ATP13A5: variants seen among roughly 807,000 people sequenced by gnomAD.
ATP13A5 encodes the protein ATPase 13A5.
ATP13A5 carries 149 observed loss-of-function variants against 150.2 expected under a neutral mutation model. That is an observed-to-expected ratio of 0.99 (90% CI 0.87 to 1.14). ATP13A5 has a LOEUF of 1.14. Among genes scored for constraint, ATP13A5 ranks in the 50% most tolerant of loss-of-function variants. The probability of loss-of-function intolerance (pLI) is 0.00; values close to 1 mark genes in which losing one functional copy is unlikely to be tolerated. For missense variants in ATP13A5, 1,383 were observed against 1,449.3 expected (o/e 0.95, Z 0.74); for synonymous variants, 497 against 522.2 (o/e 0.95, Z 0.66).
chr3:193,354,495 T>C (rs1162223566), intron 5 of ATP13A5, among the ~76,000 whole-genome samples: 1 of 152,020 alleles, frequency 6.6e-6, no homozygotes, highest in East Asian at 1.9e-4. Context: ...TTTTATTATA[T>C]ACTAAAAGCA....
Position 193,305,575 on chromosome 3 carries a change from C to T in ATP13A5, c.2662G>A (p.Val888Met), listed in dbSNP as rs1018409282. ...FTSKTTNIQC[V>M]PHLIREGRAA... ...ATGACTTACCTGATGAGATGAGGCA[C>T]ACACTGGATGTTGGTTGTTTTAGAG... The change falls in exon 23 of 30, where the codon GTG becomes ATG. Residue 888 changes from valine (V) to methionine (M), a missense_variant. This residue lies in a region of ATP13A5 where 568 missense variants were observed against 621.5 expected (regional missense o/e 0.91). Coordinates refer to ENST00000342358, the MANE Select transcript of ATP13A5 (RefSeq NM_198505.4). The T allele has an allele frequency of 6.2e-7, 1 of 1,613,762 alleles. No individual in the cohort carries two copies. The highest frequency in any genetic ancestry group is 1.1e-5 in the South Asian group (1 of 91,076).
intron 25 of ATP13A5, among the ~76,000 whole-genome samples, chr3:193,293,987 G>A (rs1247022052): frequency 6.6e-6 from 1 of 152,010 alleles, no homozygotes; most frequent in African/African-American, 2.4e-5. Context: ...AGAAATGAGG[G>A]GCCTAGAGGT....
At chr3:193,280,200 A>G (rs1241421237) in intron 27 of ATP13A5, among the ~76,000 whole-genome samples, 1 of 151,868 alleles carries the variant, frequency 6.6e-6, no homozygotes, top group Admixed American at 6.6e-5. Context: ...ACAGGCGCCC[A>G]CCACCATGCA....
intron 1 of ATP13A5, among the ~76,000 whole-genome samples, chr3:193,377,559 G>T (rs1479484926): frequency 6.6e-6 from 1 of 152,198 alleles, no homozygotes; most frequent in Non-Finnish European, 1.5e-5. Flanking sequence ...CTAGTGCTCA[G>T]AAACTACACG....
intron 29 of ATP13A5, among the ~76,000 whole-genome samples, chr3:193,275,606 G>A (rs766686967): frequency 2.0e-5 from 3 of 152,104 alleles, no homozygotes; most frequent in African/African-American, 4.8e-5. Context: ...CAGCAATAAC[G>A]TGCTCAAAAT....
Position 193,363,224 on chromosome 3 carries a change from C to T in ATP13A5, c.384+12G>A. 1 of 1,611,256 alleles carries T rather than the reference C, an allele frequency of 6.2e-7. No individual in the cohort carries two copies. Among genetic ancestry groups the T allele is most frequent in the Non-Finnish European group, 8.5e-7 (1 of 1,178,678 alleles). On this transcript the variant is annotated intron_variant, in intron 3 of 29. Coordinates refer to ENST00000342358, the MANE Select transcript of ATP13A5 (RefSeq NM_198505.4). ...TAAACATGCATAACACCATACCCTT[C>T]AAGTAACTTACTTTTAATTCTGGCT...
At chr3:193,287,090 G>A (rs1410898986) in intron 26 of ATP13A5, among the ~76,000 whole-genome samples, 1 of 152,102 alleles carries the variant, frequency 6.6e-6, no homozygotes, top group Non-Finnish European at 1.5e-5. Context: ...GGCTGAAAGA[G>A]GTGAGGAAGC....
intron 1 of ATP13A5, among the ~76,000 whole-genome samples, chr3:193,364,843 G>A (rs1025971720): frequency 1.2e-4 from 18 of 152,052 alleles, no homozygotes; most frequent in African/African-American, 4.3e-4. Context: ...AATTACTCGT[G>A]GATATGAAAG....
At position 193,324,949 on chromosome 3, in the gene ATP13A5, A is replaced by G; in HGVS notation, c.1589T>C (p.Met530Thr). The G allele has an allele frequency of 6.2e-7, 1 of 1,613,156 alleles. No individual in the cohort carries two copies. The highest frequency in any genetic ancestry group is 2.2e-5 in the East Asian group (1 of 44,870). Residue 530 changes from methionine to threonine, a missense_variant, in exon 14 of 30, where the codon ATG (methionine) becomes ACG (threonine). Physicochemically the swap from Met to Thr is moderately conservative, Grantham distance 81. This residue lies in a region of ATP13A5 where 787 missense variants were observed against 771.9 expected (regional missense o/e 1.02). Transcript: ENST00000342358. ...AAGGATCAGAGAGTGGCAGCTGGCC[A>G]TGGCCGCACACAGTGGGCTCCATGG... ...AVPWSPLCAA[M>T]ASCHSLILLN... is the part of the protein sequence containing the mutation.
At position 193,299,193 on chromosome 3, in the gene ATP13A5, A is replaced by G; in HGVS notation, c.2786T>C (p.Leu929Pro). 6.2e-7 allele frequency: 1 copy of G among 1,609,000 alleles called. No homozygotes were observed. The highest frequency in any genetic ancestry group is 8.5e-7 in the Non-Finnish European group (1 of 1,178,012). ...CATGAGATACTGGTAATTTCCAAAG[A>G]GTTGTAGTTGCTGAAAAAGAAACAA... The part of the protein sequence containing the change: ...SALLLYWQLQ[L>P]FGNYQYLMQD... Residue 929 changes from leucine (L) to proline (P), a missense_variant, in exon 25 of 30, where the codon CTC becomes CCC. This residue lies in a region of ATP13A5 where 568 missense variants were observed against 621.5 expected (regional missense o/e 0.91). Transcript: ENST00000342358.
chr3:193,374,689 A>G (rs1277333839), intron 1 of ATP13A5, among the ~76,000 whole-genome samples: 3 of 152,024 alleles, frequency 2.0e-5, no homozygotes, highest in Admixed American at 6.5e-5. Context: ...ACATAGTGCT[A>G]TATAGTGCAC....
chr3:193,355,782 C>T (rs952125134), intron 5 of ATP13A5, among the ~76,000 whole-genome samples: 6 of 152,152 alleles, frequency 3.9e-5, no homozygotes, highest in Non-Finnish European at 7.4e-5. Flanking sequence ...CAATCTGGGG[C>T]AATAATCTGT....
chr3:193,285,930 T>A (rs144794195), intron 26 of ATP13A5, among the ~76,000 whole-genome samples: 173 of 152,334 alleles, frequency 1.1e-3, no homozygotes, highest in African/African-American at 3.0e-3. Flanking sequence ...CAATTCTTTA[T>A]TTACATAATT....
chr3:193,278,017 T>C (rs1469800174), intron 28 of ATP13A5, among the ~76,000 whole-genome samples: 1 of 152,176 alleles, frequency 6.6e-6, no homozygotes, highest in Non-Finnish European at 1.5e-5. Flanking sequence ...TTGGCCAGGC[T>C]GGTCTTGAAC....
chr3:193,313,231 AGGGTAGG>A (rs1718920033), intron 19 of ATP13A5: 1 of 152,214 alleles, frequency 6.6e-6, no homozygotes, highest in South Asian at 2.1e-4. Context: ...ACCTCTTCCC[AGGGTAGG>A]GGCAGGGCCA....
In ATP13A5 at chr3:193,354,143, T is replaced by A; in HGVS notation, c.590A>T (p.Lys197Met). ...AACAGTTACCTGTTTAACAAGCAGC[T>A]TCCATATGGGTTGGATTTCAACCTC... is the stretch of plus-strand genomic sequence containing the variant. The part of the protein sequence containing the change: ...AIEVEIQPIW[K>M]LLVKQVLNPF... The change falls in exon 6 of 30, where the codon AAG (lysine) becomes ATG (methionine). Residue 197 changes from lysine to methionine, a missense_variant. Coordinates refer to ENST00000342358, the MANE Select transcript of ATP13A5 (RefSeq NM_198505.4). The A allele has an allele frequency of 6.2e-7, 1 of 1,608,298 alleles. No individual in the cohort carries two copies. Among genetic ancestry groups the A allele is most frequent in the Non-Finnish European group, 8.5e-7 (1 of 1,178,520 alleles).
intron 10 of ATP13A5, 48 bp from the exon 11 acceptor site, chr3:193,333,955 T>C: frequency 6.4e-7 from 1 of 1,566,698 alleles, no homozygotes; most frequent in Non-Finnish European, 8.7e-7. Flanking sequence ...GATGGACACT[T>C]GGTCTCCTAA....
Position 193,284,105 on chromosome 3 carries a change from C to T in ATP13A5, c.3226+809G>A, listed in dbSNP as rs147988900. 4.5e-3 allele frequency among the ~76,000 whole-genome samples: 680 copies of T among 151,550 alleles called. 8 individuals carry two copies. The highest frequency in any genetic ancestry group is 0.016 in the African/African-American group (651 of 41,250). On this transcript the variant is annotated intron_variant, in intron 27 of 29. Coordinates refer to ENST00000342358, the MANE Select transcript of ATP13A5 (RefSeq NM_198505.4). ...GTGTGATCCTGGCTCACTGCAGCCT[C>T]GACCTCCCAGGCTCAAGCAATCCTC...
chr3:193,336,132 ATC>A (rs1303260428), intron 9 of ATP13A5, among the ~76,000 whole-genome samples: 1 of 152,120 alleles, frequency 6.6e-6, no homozygotes, highest in Non-Finnish European at 1.5e-5. Context: ...TTTAGGTCTC[ATC>A]TCTCTTTCTA....
Sources: gnomAD v4.1 joint callset for allele counts (sites outside exome capture counted in the v4.1 genomes callset) on GRCh38, gnomAD v4.1.1 for gene constraint, gnomAD v4.1.1 regional missense constraint, MANE v1.5 for transcripts, NCBI Gene and HGNC (gene_info 2026-07-23, HGNC 2026-07-21) for gene names.